The following GAS2 variants were observed in gnomAD, a reference collection of about 807,000 sequenced individuals.
The protein encoded by GAS2 is growth arrest-specific protein 2.
GAS2 carries 20 observed loss-of-function variants against 37.5 expected under a neutral mutation model. The observed-to-expected ratio is 0.53, with a 90% CI of 0.37 to 0.77. GAS2 has a LOEUF of 0.77. GAS2 is among the 30% of genes least tolerant of loss of function. The pLI is 0.00. For missense variants in GAS2, 336 were observed against 373.4 expected (o/e 0.90, Z 0.82); for synonymous variants, 144 against 132.2 (o/e 1.09, Z -0.61).
chr11:22,748,038 A>C (rs1853506672), intron 5 of GAS2, among the ~76,000 whole-genome samples: 3 of 152,146 alleles, frequency 2.0e-5, no homozygotes, highest in Admixed American at 2.0e-4. Context: ...AGAAGTACTA[A>C]AACATTGTCA....
At chr11:22,715,998 A>G in intron 3 of GAS2, among the ~76,000 whole-genome samples, 1 of 152,220 alleles carries the variant, frequency 6.6e-6, no homozygotes, top group East Asian at 1.9e-4. Context: ...ATAATCCGCC[A>G]TGATCAAGTG....
At chr11:22,799,518 CA>C (rs1044382218) in intron 7 of GAS2, among the ~76,000 whole-genome samples, 5 of 151,978 alleles carry the variant, frequency 3.3e-5, no homozygotes, top group Admixed American at 6.6e-5. Context: ...TCTTGATTCT[CA>C]ATACAATCTC....
rs149953208 is a variant in GAS2, at chr11:22,763,815, A to G, written c.723+7862A>G. The stretch of plus-strand genomic sequence containing the variant: ...AGTGCTCTAAGCCATAGTAAGAGAA[A>G]TATGAGTGCTATCAATACATGAATA... On this transcript the variant is annotated intron_variant, in intron 7 of 7. Transcript: ENST00000454584. 3.2e-4 allele frequency among the ~76,000 whole-genome samples: 48 copies of G among 152,344 alleles called. No individual in the cohort carries two copies. The East Asian group carries it at 8.5e-3, about 27-fold the overall frequency.
At chr11:22,797,720 T>C (rs1856496250) in intron 7 of GAS2, among the ~76,000 whole-genome samples, 1 of 152,114 alleles carries the variant, frequency 6.6e-6, no homozygotes, top group African/African-American at 2.4e-5. Flanking sequence ...ATCAGGATTT[T>C]AATAAGATTT....
chr11:22,782,072 T>C (rs1321214010), intron 7 of GAS2, among the ~76,000 whole-genome samples: 1 of 152,252 alleles, frequency 6.6e-6, no homozygotes, highest in East Asian at 1.9e-4. Flanking sequence ...ATAAAGTCTT[T>C]CAGCACTGTG....
chr11:22,698,325 G>A (rs186092180), intron 3 of GAS2, among the ~76,000 whole-genome samples: 8 of 152,198 alleles, frequency 5.3e-5, no homozygotes, highest in African/African-American at 1.9e-4. Context: ...CCAGGAAGAA[G>A]TTGAATCTCT....
At chr11:22,628,126 T>C (rs183388828) in intron 1 of GAS2, among the ~76,000 whole-genome samples, 2 of 152,372 alleles carry the variant, frequency 1.3e-5, no homozygotes, top group East Asian at 3.9e-4. Context: ...ATAAAATGTC[T>C]ATGAAGTTTC....
chr11:22,794,692 A>G (rs1856344146), intron 7 of GAS2, among the ~76,000 whole-genome samples: 1 of 152,172 alleles, frequency 6.6e-6, no homozygotes, highest in Non-Finnish European at 1.5e-5. Flanking sequence ...TTTTTCTGGA[A>G]GTCAGTAATG....
intron 3 of GAS2, among the ~76,000 whole-genome samples, chr11:22,715,481 AAAGAAAAG>A (rs1455190421): frequency 1.4e-5 from 2 of 146,202 alleles, no homozygotes; most frequent in African/African-American, 5.0e-5. Flanking sequence ...AAAAAAAAAA[AAAGAAAAG>A]AAAAGAAAAG....
At chr11:22,658,506 C>T (rs1565069573) in intron 1 of GAS2, among the ~76,000 whole-genome samples, 1 of 152,162 alleles carries the variant, frequency 6.6e-6, no homozygotes, top group African/African-American at 2.4e-5. Flanking sequence ...ACAACTTCTT[C>T]CCATCTTTCC....
upstream of GAS2, among the ~76,000 whole-genome samples, chr11:22,662,609 C>A (rs1216513504): frequency 3.3e-5 from 5 of 151,842 alleles, no homozygotes; most frequent in Non-Finnish European, 7.4e-5. Context: ...ATGACATAGA[C>A]TTTTTTAAGA....
chr11:22,677,780 G>A (rs1849497015), intron 2 of GAS2, among the ~76,000 whole-genome samples: 1 of 152,142 alleles, frequency 6.6e-6, no homozygotes, highest in African/African-American at 2.4e-5. Flanking sequence ...CTTGCCCAAA[G>A]TCACTCAGCT....
chr11:22,699,999 G>A (rs11026739), intron 3 of GAS2, among the ~76,000 whole-genome samples: 5,351 of 152,192 alleles, frequency 0.035, 198 homozygotes, highest in East Asian at 0.2. Context: ...AAAGGATACT[G>A]GAAGTGTAGA....
intron 7 of GAS2, among the ~76,000 whole-genome samples, chr11:22,761,239 G>A (rs1297055338): frequency 6.6e-6 from 1 of 151,848 alleles, no homozygotes; most frequent in Non-Finnish European, 1.5e-5. Flanking sequence ...TTAACCATTT[G>A]GTGTTCCATT....
chr11:22,635,212 A>G (rs1858805175), intron 1 of GAS2, among the ~76,000 whole-genome samples: 1 of 150,810 alleles, frequency 6.6e-6, no homozygotes, highest in African/African-American at 2.4e-5. Context: ...GGGTAGATGG[A>G]GGTGCAAAGC....
At position 22,775,713 on chromosome 11, in the gene GAS2, G is replaced by A. The variant is rs189171023; in HGVS notation, c.723+19760G>A. On this transcript the variant is annotated intron_variant, in intron 7 of 7. Coordinates refer to ENST00000454584, the MANE Select transcript of GAS2 (RefSeq NM_001143830.3). ...CTCCGGGTAATATCAATTGACAAGA[G>A]TCAAATAAATTAATAAAAAGCACAG... Among the ~76,000 whole-genome samples, 155 of 151,922 alleles carry A rather than the reference G, an allele frequency of 1.0e-3. 1 individual carries two copies. The highest frequency in any genetic ancestry group is 4.1e-4 in the Non-Finnish European group (28 of 67,958).
chr11:22,700,840 G>C (rs1389439227), intron 3 of GAS2, among the ~76,000 whole-genome samples: 1 of 152,048 alleles, frequency 6.6e-6, no homozygotes, highest in Non-Finnish European at 1.5e-5. Flanking sequence ...TTAAATTGTA[G>C]GGCTTTTAGG....
rs1441322956 is a variant in GAS2 at position 22,749,133 on chromosome 11, C to A, written c.487C>A (p.Pro163Thr). 1.9e-6 allele frequency: 3 copies of A among 1,611,566 alleles called. No individual in the cohort carries two copies. The highest frequency in any genetic ancestry group is 3.3e-5 in the Admixed American group (2 of 59,718). ...GTCTTTTTAAAGGTATGGTGTGGAG[C>A]CTCCTGGTTTGATAAAGCTGGAAAA... ...GRIAARYGVE[P>T]PGLIKLEKEI... The change falls in exon 6 of 8, where the codon CCT becomes ACT. Residue 163 changes from proline to threonine, a missense_variant. By Grantham distance (38) the Pro-to-Thr change is conservative. Coordinates refer to ENST00000454584, the MANE Select transcript of GAS2 (RefSeq NM_001143830.3).
intron 1 of GAS2, among the ~76,000 whole-genome samples, chr11:22,636,112 G>T (rs1858817926): frequency 6.6e-6 from 1 of 152,082 alleles, no homozygotes; most frequent in Admixed American, 6.6e-5. Context: ...TTGTTTGTTT[G>T]TTTTTTGTTT....
Sources: gnomAD v4.1 joint callset for allele counts (sites outside exome capture counted in the v4.1 genomes callset) on GRCh38, gnomAD v4.1.1 for gene constraint, MANE v1.5 for transcripts, NCBI Gene and HGNC (gene_info 2026-07-23, HGNC 2026-07-21) for gene names.